The following UBE2E2 variants were observed in gnomAD, a reference collection of about 807,000 sequenced individuals.
UBE2E2 encodes ubiquitin-conjugating enzyme E2 E2.
UBE2E2 carries 6 observed loss-of-function variants against 24.7 expected under a neutral mutation model. The ratio of observed to expected loss-of-function variants is 0.24; its 90% CI spans 0.13 to 0.48. The LOEUF (loss-of-function observed/expected upper bound fraction) is 0.48. Among genes scored for constraint, UBE2E2 ranks in the 20% least tolerant of loss-of-function variants. UBE2E2 has a pLI of 0.99. For synonymous variants in UBE2E2, 104 were observed against 83.6 expected, an observed-to-expected ratio of 1.24 and a Z score of -1.33; for missense variants, 169 against 245.0, an observed-to-expected ratio of 0.69 and a Z score of 2.07.
chr3:23,515,988 T>A (rs1186800763), intron 4 of UBE2E2, among the ~76,000 whole-genome samples: 1 of 151,652 alleles, frequency 6.6e-6, no homozygotes, highest in Non-Finnish European at 1.5e-5. Flanking sequence ...AAACAAAAAT[T>A]AAAAAGGAGC....
At chr3:23,549,563 G>A (rs534007089) in intron 5 of UBE2E2, among the ~76,000 whole-genome samples, 2 of 152,200 alleles carry the variant, frequency 1.3e-5, no homozygotes, top group East Asian at 3.9e-4. Flanking sequence ...CCTCATTTGT[G>A]AATTAAAGAT....
chr3:23,515,922 T>C (rs1396401035), intron 4 of UBE2E2, among the ~76,000 whole-genome samples: 4 of 152,134 alleles, frequency 2.6e-5, no homozygotes, highest in Non-Finnish European at 5.9e-5. Context: ...TGAGCTATAA[T>C]GATGCCACTA....
chr3:23,343,269 A>G (rs1226670679), intron 3 of UBE2E2, among the ~76,000 whole-genome samples: 1 of 152,034 alleles, frequency 6.6e-6, no homozygotes, highest in East Asian at 1.9e-4. Context: ...CTGAATATGT[A>G]GTATATTCAA....
At chr3:23,529,345 AG>A (rs1695068447) in intron 4 of UBE2E2, among the ~76,000 whole-genome samples, 1 of 152,248 alleles carries the variant, frequency 6.6e-6, no homozygotes, top group African/African-American at 2.4e-5. Flanking sequence ...AGTTTCCTGC[AG>A]TATACTGTAG....
chr3:23,473,684 G>A (rs558685377), intron 3 of UBE2E2, among the ~76,000 whole-genome samples: 2 of 152,196 alleles, frequency 1.3e-5, no homozygotes, highest in African/African-American at 2.4e-5. Flanking sequence ...AACATACGAT[G>A]TTTGGTTTTC....
chr3:23,339,294 A>G (rs1035252124), intron 3 of UBE2E2, among the ~76,000 whole-genome samples: 3 of 152,216 alleles, frequency 2.0e-5, no homozygotes, highest in African/African-American at 7.2e-5. Flanking sequence ...AAAGGAAACC[A>G]AAGAGATCTG....
At chr3:23,216,752 A>C (rs1696487188) in intron 2 of UBE2E2, among the ~76,000 whole-genome samples, 1 of 152,090 alleles carries the variant, frequency 6.6e-6, no homozygotes, top group Admixed American at 6.6e-5. Flanking sequence ...TAGCCGATGA[A>C]ATAGTGTTAA....
intron 3 of UBE2E2, among the ~76,000 whole-genome samples, chr3:23,459,634 C>G (rs1022956372): frequency 6.6e-6 from 1 of 152,176 alleles, no homozygotes; most frequent in Non-Finnish European, 1.5e-5. Flanking sequence ...AATAACCTTT[C>G]TATTGCTCTG....
chr3:23,499,822 AG>A, intron 4 of UBE2E2, 82 bp downstream of exon 4: 10 of 1,436,528 alleles, frequency 7.0e-6, no homozygotes, highest in African/African-American at 1.4e-5. Flanking sequence ...TATGCATTCT[AG>A]GGATGCATGT....
intron 3 of UBE2E2, among the ~76,000 whole-genome samples, chr3:23,285,744 C>A (rs1575532057): frequency 6.6e-6 from 1 of 152,148 alleles, no homozygotes; most frequent in South Asian, 2.1e-4. Flanking sequence ...GCTTTGTCAT[C>A]CAGGCAGGTG....
intron 3 of UBE2E2, among the ~76,000 whole-genome samples, chr3:23,262,577 G>A (rs1426142188): frequency 6.6e-6 from 1 of 151,720 alleles, no homozygotes; most frequent in Non-Finnish European, 1.5e-5. Flanking sequence ...ACCATGTTCA[G>A]TGTAGGCCAT....
chr3:23,512,715 C>T (rs758189878), intron 4 of UBE2E2, among the ~76,000 whole-genome samples: 14 of 152,100 alleles, frequency 9.2e-5, no homozygotes, highest in South Asian at 2.1e-4. Context: ...GAGGCCAAGA[C>T]GGCCAGATCA....
chr3:23,574,572 G>A (rs1375768809), intron 5 of UBE2E2, among the ~76,000 whole-genome samples: 1 of 152,092 alleles, frequency 6.6e-6, no homozygotes, highest in Non-Finnish European at 1.5e-5. Context: ...TTTGCAGGCT[G>A]ATCTCAGTGG....
chr3:23,393,922 G>T (rs1270970292), intron 3 of UBE2E2, among the ~76,000 whole-genome samples: 2 of 152,196 alleles, frequency 1.3e-5, no homozygotes, highest in African/African-American at 4.8e-5. Flanking sequence ...CAATGCAAGA[G>T]TTGAATAGTT....
chr3:23,331,909 G>A (rs1695068629), intron 3 of UBE2E2, among the ~76,000 whole-genome samples: 2 of 152,172 alleles, frequency 1.3e-5, no homozygotes. Flanking sequence ...GTAAATGACA[G>A]CAGAAAGACA....
At chr3:23,521,603 G>T (rs1209304106) in intron 4 of UBE2E2, among the ~76,000 whole-genome samples, 1 of 152,194 alleles carries the variant, frequency 6.6e-6, no homozygotes, top group African/African-American at 2.4e-5. Context: ...GTACCTGACT[G>T]GGGGAGACTG....
At chr3:23,261,969 C>T (rs755219280) in intron 3 of UBE2E2, among the ~76,000 whole-genome samples, 24 of 152,168 alleles carry the variant, frequency 1.6e-4, no homozygotes, top group Non-Finnish European at 3.2e-4. Context: ...ATTCTGATTT[C>T]CATTCCTTTG....
intron 3 of UBE2E2, among the ~76,000 whole-genome samples, chr3:23,299,213 G>A (rs1198005619): frequency 2.0e-5 from 3 of 152,016 alleles, no homozygotes; most frequent in Non-Finnish European, 4.4e-5. Context: ...TATCAATTTT[G>A]TTGATGTTTT....
At chr3:23,582,959 T>C (rs1392926672) in intron 5 of UBE2E2, among the ~76,000 whole-genome samples, 1 of 151,958 alleles carries the variant, frequency 6.6e-6, no homozygotes, top group Non-Finnish European at 1.5e-5. Context: ...AATTTTTGTT[T>C]TTGTCGTAGT....
Sources: allele counts gnomAD v4.1 joint callset (sites outside exome capture counted in the v4.1 genomes callset), GRCh38; gene constraint gnomAD v4.1.1; transcripts MANE v1.5; gene names NCBI Gene and HGNC (gene_info 2026-07-23, HGNC 2026-07-21).